The following CEP20 variants were observed in gnomAD, a reference collection of about 807,000 sequenced individuals.
CEP20 encodes centrosomal protein 20.
Under a neutral mutation model 20.0 loss-of-function variants are expected in CEP20, and 18 were observed. The observed-to-expected ratio is 0.90, with a 90% CI of 0.62 to 1.34. The LOEUF (loss-of-function observed/expected upper bound fraction) is 1.34, where lower values mean the gene tolerates loss of function less well. CEP20 is among the 40% of genes most tolerant of loss of function. CEP20 has a pLI of 0.00. For synonymous variants in CEP20, 77 were observed against 73.7 expected, an observed-to-expected ratio of 1.04 and a Z score of -0.23; for missense variants, 215 against 201.6, an observed-to-expected ratio of 1.07 and a Z score of -0.40.
At chr16:15,876,837 CCT>C (rs1239038727) in intron 3 of CEP20, among the ~76,000 whole-genome samples, 1 of 150,984 alleles carries the variant, frequency 6.6e-6, no homozygotes, top group African/African-American at 2.4e-5. Context: ...GCTTCCTCAT[CCT>C]CTCTCAAACT....
chr16:15,878,282 C>A (rs2045005023), intron 3 of CEP20, among the ~76,000 whole-genome samples: 1 of 152,040 alleles, frequency 6.6e-6, no homozygotes, highest in Non-Finnish European at 1.5e-5. Context: ...GTCTTCCAGG[C>A]ATAATCAGAA....
chr16:15,867,335 C>T lies in CEP20; in HGVS notation c.*105G>A, dbSNP rs12598941. The T allele has an allele frequency of 0.052, 40,473 of 779,392 alleles. 1,511 individuals are homozygous for T. The highest frequency in any genetic ancestry group is 0.19 in the East Asian group (6,233 of 33,420). The allele number at this position is 779,392 out of a possible 1,614,324, so 48.3% of individuals were successfully genotyped here. On this transcript the variant is annotated 3_prime_UTR_variant, in exon 5 of 5. Transcript: ENST00000255759. ...CATGAGGGGTGTTTTGTAGAAACTC[C>T]AATTTCTACAAACATTAGTGGTGCA...
intron 1 of CEP20, among the ~76,000 whole-genome samples, chr16:15,885,343 C>A (rs2045215836): frequency 6.6e-6 from 1 of 151,130 alleles, no homozygotes; most frequent in Admixed American, 6.6e-5. Flanking sequence ...AAAAAAAAAA[C>A]ACAAACCTTT....
intron 1 of CEP20, 103 bp downstream of exon 1, chr16:15,888,454 TA>T: frequency 6.7e-7 from 1 of 1,496,704 alleles, no homozygotes; most frequent in Non-Finnish European, 9.2e-7. Flanking sequence ...ATGACGCCTG[TA>T]AAAGCCAACC....
At chr16:15,871,907 T>A (rs2044828266) in intron 4 of CEP20, among the ~76,000 whole-genome samples, 1 of 152,204 alleles carries the variant, frequency 6.6e-6, no homozygotes, top group Non-Finnish European at 1.5e-5. Context: ...ACAAAGGCAA[T>A]CCACATTTTA....
At chr16:15,875,262 T>A (rs1217765106) in intron 3 of CEP20, among the ~76,000 whole-genome samples, 1 of 152,228 alleles carries the variant, frequency 6.6e-6, no homozygotes, top group African/African-American at 2.4e-5. Context: ...CAGGTCTCTT[T>A]GTTTACTTTA....
intron 1 of CEP20, among the ~76,000 whole-genome samples, chr16:15,887,501 T>A (rs1196903439): frequency 6.6e-6 from 1 of 152,218 alleles, no homozygotes; most frequent in African/African-American, 2.4e-5. Context: ...ACAACTAGGT[T>A]CCCATGCTGT....
intron 4 of CEP20, among the ~76,000 whole-genome samples, chr16:15,869,918 C>T (rs1285655528): frequency 6.6e-6 from 1 of 152,076 alleles, no homozygotes; most frequent in Non-Finnish European, 1.5e-5. Flanking sequence ...ACTGTTCTTC[C>T]CCGATTCATT....
At chr16:15,882,611 T>C (rs558361644) in intron 2 of CEP20, among the ~76,000 whole-genome samples, 2 of 152,254 alleles carry the variant, frequency 1.3e-5, no homozygotes, top group East Asian at 3.9e-4. Context: ...TTTATAGCAA[T>C]CCAAAAACAA....
intron 1 of CEP20, among the ~76,000 whole-genome samples, chr16:15,886,474 T>C (rs2045250877): frequency 6.6e-6 from 1 of 152,184 alleles, no homozygotes. Context: ...GGAAATTGGA[T>C]GGAGAGATTT....
intron 3 of CEP20, among the ~76,000 whole-genome samples, chr16:15,877,429 A>AT (rs1277094352): frequency 2.0e-5 from 3 of 152,162 alleles, no homozygotes; most frequent in Admixed American, 1.3e-4. Flanking sequence ...GATTCCCCCA[A>AT]TTATTTTTCC....
chr16:15,870,057 G>C (rs1231440621), intron 4 of CEP20, among the ~76,000 whole-genome samples: 1 of 152,086 alleles, frequency 6.6e-6, no homozygotes, highest in Non-Finnish European at 1.5e-5. Flanking sequence ...CGTGTGTCTA[G>C]GTGTCTCTTT....
chr16:15,870,066 TTCCC>T (rs1451474085), intron 4 of CEP20, among the ~76,000 whole-genome samples: 1 of 152,152 alleles, frequency 6.6e-6, no homozygotes, highest in Non-Finnish European at 1.5e-5. Flanking sequence ...AGGTGTCTCT[TTCCC>T]TCCCTCCCTC....
intron 2 of CEP20, among the ~76,000 whole-genome samples, chr16:15,881,007 TA>T (rs965341151): frequency 7.0e-4 from 106 of 152,106 alleles, no homozygotes; most frequent in African/African-American, 2.5e-3. Context: ...CATTATATAT[TA>T]CAACACAATC....
intron 3 of CEP20, among the ~76,000 whole-genome samples, chr16:15,876,513 T>A (rs1003423020): frequency 6.6e-6 from 1 of 151,010 alleles, no homozygotes; most frequent in East Asian, 1.9e-4. Context: ...TGGCCCACAC[T>A]GGAGTGCAGC....
rs1177420602 is a variant in CEP20 at position 15,876,488 on chromosome 16, A to G, written c.312-2861T>C. 5.3e-5 allele frequency among the ~76,000 whole-genome samples: 8 copies of G among 151,878 alleles called. No homozygotes were observed. In the East Asian group the frequency reaches 5.8e-4, roughly 11 times the overall value. Reference sequence around the variant, plus strand: ...AGACTCTGTCTCGAAAAAAAAAAAAAGAACTCTCGCTGTGTGGCCCACACT... The same window carrying G: ...AGACTCTGTCTCGAAAAAAAAAAAAGGAACTCTCGCTGTGTGGCCCACACT... On this transcript the variant is annotated intron_variant, in intron 3 of 4. Coordinates refer to ENST00000255759, the MANE Select transcript of CEP20 (RefSeq NM_144600.4).
At chr16:15,883,624 C>A (rs1414511619) in intron 2 of CEP20, among the ~76,000 whole-genome samples, 1 of 152,080 alleles carries the variant, frequency 6.6e-6, no homozygotes, top group African/African-American at 2.4e-5. Context: ...CTCGGCCTCC[C>A]AAAGCACTGA....
chr16:15,869,501 G>A (rs2044762772), intron 4 of CEP20, among the ~76,000 whole-genome samples: 1 of 152,040 alleles, frequency 6.6e-6, no homozygotes, highest in Non-Finnish European at 1.5e-5. Flanking sequence ...AGTAGAGACA[G>A]GGTTTCACCA....
At chr16:15,885,380 A>G (rs2045216810) in intron 1 of CEP20, among the ~76,000 whole-genome samples, 1 of 151,976 alleles carries the variant, frequency 6.6e-6, no homozygotes. Context: ...TTAGGGAGTG[A>G]AAAGGTGTTG....
Sources: gnomAD v4.1 joint callset for allele counts (sites outside exome capture counted in the v4.1 genomes callset) on GRCh38, gnomAD v4.1.1 for gene constraint, MANE v1.5 for transcripts, NCBI Gene and HGNC (gene_info 2026-07-23, HGNC 2026-07-21) for gene names.